CYFIP2: variants seen among roughly 807,000 people sequenced by gnomAD.
The protein encoded by CYFIP2 is cytoplasmic FMR1-interacting protein 2.
In CYFIP2, 29 loss-of-function variants were observed where a neutral mutation model predicts 158.7. The ratio of observed to expected loss-of-function variants is 0.18; its 90% CI spans 0.14 to 0.25. The LOEUF is 0.25. Ranked by LOEUF, CYFIP2 falls within the 10% of genes least tolerant of loss-of-function variation. The probability of loss-of-function intolerance (pLI) is 1.00; values close to 1 mark genes in which losing one functional copy is unlikely to be tolerated. For synonymous variants in CYFIP2, 585 were observed against 617.6 expected, an observed-to-expected ratio of 0.95 and a Z score of 0.78; for missense variants, 852 against 1,639.5, an observed-to-expected ratio of 0.52 and a Z score of 8.29.
chr5:157,307,798 T>C lies in CYFIP2; in HGVS notation c.833T>C (p.Val278Ala), dbSNP rs1483212474. 2 of 1,611,848 alleles carry C rather than the reference T, an allele frequency of 1.2e-6. No individual in the cohort carries two copies. The highest frequency in any genetic ancestry group is 2.2e-5 in the East Asian group (1 of 44,894). The part of the protein sequence containing the change: ...GFGLYLMDGN[V>A]SNIYKLDAKK... The stretch of plus-strand genomic sequence containing the variant: ...GGCCTCTACCTAATGGATGGAAATG[T>C]CAGTAACATTTACAAACTGGATGCC... Residue 278 changes from valine (V) to alanine (A), a missense_variant, in exon 9 of 31, where the codon GTC (valine) becomes GCC (alanine). Physicochemically the swap from Val to Ala is moderately conservative, Grantham distance 64. Transcript: ENST00000620254.
chr5:157,289,237 C>T (rs757055358), intron 3 of CYFIP2, among the ~76,000 whole-genome samples: 1 of 152,098 alleles, frequency 6.6e-6, no homozygotes, highest in Non-Finnish European at 1.5e-5. Flanking sequence ...AGAGATGAGA[C>T]GGGGAGAGCA....
At chr5:157,340,978 C>A in intron 22 of CYFIP2, 92 bp from the exon 23 acceptor site, 1 of 1,216,798 alleles carries the variant, frequency 8.2e-7, no homozygotes, top group Non-Finnish European at 1.2e-6. Flanking sequence ...TGCAAACCTT[C>A]ACCTGGCCAG....
rs375902517 is a variant in CYFIP2, at chr5:157,335,753, CAG to C, written c.2385+2310_2385+2311del. 3.0e-4 allele frequency among the ~76,000 whole-genome samples: 46 copies of C among 152,202 alleles called. 2 individuals are homozygous for C. The East Asian group carries it at 8.5e-3, about 28-fold the overall frequency. ...ATTTGGTCACCTCTATTTTGAGAAA[CAG>C]AGTTATTCTTTATGCCAAATGGTTA... On this transcript the variant is annotated intron_variant, in intron 21 of 30. Coordinates refer to ENST00000620254, the MANE Select transcript of CYFIP2 (RefSeq NM_001037333.3).
intron 30 of CYFIP2, among the ~76,000 whole-genome samples, chr5:157,391,660 G>A (rs564588049): frequency 4.7e-4 from 71 of 152,246 alleles, no homozygotes; most frequent in Non-Finnish European, 9.1e-4. Flanking sequence ...TATAGACCAC[G>A]TTGTGTTTGT....
chr5:157,386,504 C>T (rs886895627), intron 28 of CYFIP2, among the ~76,000 whole-genome samples: 1 of 152,162 alleles, frequency 6.6e-6, no homozygotes, highest in Non-Finnish European at 1.5e-5. Flanking sequence ...GATCAACTTT[C>T]CTTGAGAATA....
rs183403800 is a variant in CYFIP2, at chr5:157,304,392, A to C, written c.795+26A>C. ...GTAAAACTCCCCTGAGGCCGCACCC[A>C]TGGAGCCTGGGCTTACCCTCTCACC... On this transcript the variant is annotated intron_variant, in intron 8 of 30. Coordinates refer to ENST00000620254, the MANE Select transcript of CYFIP2 (RefSeq NM_001037333.3). 3 of 1,605,984 alleles carry C rather than the reference A, an allele frequency of 1.9e-6. No homozygotes were observed. The East Asian group carries it at 6.7e-5, about 36-fold the overall frequency.
intron 5 of CYFIP2, among the ~76,000 whole-genome samples, chr5:157,298,183 T>C (rs566110683): frequency 1.3e-5 from 2 of 152,238 alleles, no homozygotes; most frequent in Non-Finnish European, 2.9e-5. Flanking sequence ...CTTTTTGTTG[T>C]TGCTGTTCCA....
intron 24 of CYFIP2, 21 bp downstream of exon 24, chr5:157,359,169 G>A: frequency 1.2e-6 from 2 of 1,613,588 alleles, no homozygotes; most frequent in African/African-American, 2.7e-5. Flanking sequence ...GCCTCAGTGT[G>A]GCTTGAGATA....
At chr5:157,348,411 G>A (rs1385001770) in intron 23 of CYFIP2, among the ~76,000 whole-genome samples, 1 of 151,962 alleles carries the variant, frequency 6.6e-6, no homozygotes, top group Non-Finnish European at 1.5e-5. Flanking sequence ...ACCACCCCTG[G>A]CTAATTATTA....
intron 3 of CYFIP2, among the ~76,000 whole-genome samples, 194 bp downstream of exon 3, chr5:157,287,302 T>C (rs1757471807): frequency 6.6e-6 from 1 of 152,180 alleles, no homozygotes; most frequent in East Asian, 1.9e-4. Flanking sequence ...AGTTCCCCTT[T>C]ATTGTCCAGC....
At chr5:157,356,431 A>C (rs1214734200) in intron 23 of CYFIP2, among the ~76,000 whole-genome samples, 1 of 152,196 alleles carries the variant, frequency 6.6e-6, no homozygotes, top group Non-Finnish European at 1.5e-5. Flanking sequence ...TAAGATTCCA[A>C]ATCCTAATTT....
chr5:157,270,223 G>A (rs1297514338), intron 1 of CYFIP2, among the ~76,000 whole-genome samples: 1 of 152,198 alleles, frequency 6.6e-6, no homozygotes, highest in Non-Finnish European at 1.5e-5. Flanking sequence ...TCATTGTAGA[G>A]CAATGGTTCT....
chr5:157,302,732 G>T lies in CYFIP2; in HGVS notation c.570-62G>T, dbSNP rs1561706589. 4 of 1,370,832 alleles carry T rather than the reference G, an allele frequency of 2.9e-6. No individual in the cohort carries two copies. In the East Asian group the frequency reaches 7.6e-5, roughly 26 times the overall value. 84.9% of individuals were successfully genotyped at this position (1,370,832 alleles called of 1,614,324 possible). Reference sequence around the variant, plus strand: ...TTAGGTGGGCATGCGAGCCCGTGAGGCATGGTTTAGGCCGTTGCACTTGGA... The same window carrying T: ...TTAGGTGGGCATGCGAGCCCGTGAGTCATGGTTTAGGCCGTTGCACTTGGA... On this transcript the variant is annotated intron_variant, in intron 6 of 30. Coordinates refer to ENST00000620254, the MANE Select transcript of CYFIP2 (RefSeq NM_001037333.3).
intron 28 of CYFIP2, 62 bp from the exon 29 acceptor site, chr5:157,389,127 T>C (rs1288501318): frequency 1.4e-6 from 2 of 1,474,828 alleles, no homozygotes; most frequent in African/African-American, 2.8e-5. Flanking sequence ...GAATCTGTGG[T>C]GGGAGGTGGC....
chr5:157,314,735 C>T (rs1867669), intron 12 of CYFIP2, among the ~76,000 whole-genome samples: 48,622 of 152,044 alleles, frequency 0.32, 8,561 homozygotes, highest in African/African-American at 0.47. Context: ...CTGCTTTCTA[C>T]CTCTATAGGT....
intron 28 of CYFIP2, among the ~76,000 whole-genome samples, chr5:157,386,460 C>T (rs1766700796): frequency 6.6e-6 from 1 of 152,084 alleles, no homozygotes; most frequent in Non-Finnish European, 1.5e-5. Context: ...CATGAGGGTA[C>T]AAGGAACAGG....
At chr5:157,382,876 A>C (rs1766267860) in intron 27 of CYFIP2, among the ~76,000 whole-genome samples, 1 of 152,156 alleles carries the variant, frequency 6.6e-6, no homozygotes. Context: ...TCTGAGGCCT[A>C]TTATCTTTGA....
At chr5:157,343,210 G>A (rs943603198) in intron 23 of CYFIP2, 6 of 1,614,070 alleles carry the variant, frequency 3.7e-6, no homozygotes, top group African/African-American at 2.7e-5. Flanking sequence ...GGGAGATCTG[G>A]GGGTCTACCA....
At chr5:157,350,504 T>A (rs1440463368) in intron 23 of CYFIP2, among the ~76,000 whole-genome samples, 1 of 152,250 alleles carries the variant, frequency 6.6e-6, no homozygotes, top group Non-Finnish European at 1.5e-5. Context: ...TTAATGACAT[T>A]ACCATGCTGT....
Sources: allele counts gnomAD v4.1 joint callset (sites outside exome capture counted in the v4.1 genomes callset), GRCh38; gene constraint gnomAD v4.1.1; transcripts MANE v1.5; gene names NCBI Gene and HGNC (gene_info 2026-07-23, HGNC 2026-07-21).